CATSPERH: variants seen among roughly 807,000 people sequenced by gnomAD.
CATSPERH encodes cation channel sperm-associated auxiliary subunit eta.
At chr11:65,088,628 ACCCTCCCAC>A in the CATSPERH span, 4 of 1,534,638 alleles carry the variant, frequency 2.6e-6, no homozygotes, top group Non-Finnish European at 3.5e-6. Flanking sequence ...TCCCTCTTGC[ACCCTCCCAC>A]TCCTGCCACT....
chr11:65,088,690 CTG>C, the CATSPERH span: 1 of 1,536,282 alleles, frequency 6.5e-7, no homozygotes, highest in Non-Finnish European at 8.7e-7. Context: ...TACTTGTTTT[CTG>C]TCATCTCAGC....
chr11:65,088,393 T>C, the CATSPERH span: 1 of 1,491,474 alleles, frequency 6.7e-7, no homozygotes, highest in South Asian at 1.2e-5. Context: ...AACAACTTTA[T>C]TAAAACACCC....
chr11:65,088,385 C>A, the CATSPERH span: 2 of 1,453,774 alleles, frequency 1.4e-6, no homozygotes, highest in Non-Finnish European at 1.9e-6. Flanking sequence ...AAATAAACAA[C>A]AACTTTATTA....
the CATSPERH span, chr11:65,088,808 G>A: frequency 8.4e-5 from 129 of 1,534,920 alleles, no homozygotes; most frequent in African/African-American, 9.7e-4. Flanking sequence ...GTTTCCATCA[G>A]CCCCTCGGGT....
chr11:65,088,495 A>G, the CATSPERH span: 1 of 1,536,124 alleles, frequency 6.5e-7, no homozygotes, highest in Non-Finnish European at 8.7e-7. Flanking sequence ...CAGAAACTCC[A>G]AGGACAGGCG....
At chr11:65,089,091 G>A in the CATSPERH span, 1 of 1,368,970 alleles carries the variant, frequency 7.3e-7, no homozygotes, top group African/African-American at 1.4e-5. Flanking sequence ...GCCCTGCCCA[G>A]GAAAAGCAGC....
the CATSPERH span, chr11:65,088,746 G>A: frequency 6.5e-7 from 1 of 1,536,178 alleles, no homozygotes; most frequent in East Asian, 2.4e-5. Context: ...GATCACCTGG[G>A]AGAACTGTAG....
chr11:65,088,662 A>G, the CATSPERH span: 15 of 1,536,342 alleles, frequency 9.8e-6, no homozygotes, highest in Non-Finnish European at 1.1e-5. Context: ...CAGGATGGTC[A>G]GGGCGGAGAA....
the CATSPERH span, chr11:65,088,885 CAT>C: frequency 1.3e-6 from 2 of 1,535,796 alleles, no homozygotes; most frequent in East Asian, 2.4e-5. Flanking sequence ...AGTGAAAGCT[CAT>C]GTGGTCATAG....
At chr11:65,088,637 C>G in the CATSPERH span, 1 of 1,535,772 alleles carries the variant, frequency 6.5e-7, no homozygotes, top group South Asian at 1.2e-5. Flanking sequence ...CACCCTCCCA[C>G]TCCTGCCACT....
At chr11:65,089,082 C>A in the CATSPERH span, 2 of 1,440,206 alleles carry the variant, frequency 1.4e-6, no homozygotes, top group Admixed American at 2.0e-5. Flanking sequence ...AGCAAGCAGG[C>A]CCTGCCCAGG....
the CATSPERH span, chr11:65,088,555 A>T: frequency 6.6e-6 from 10 of 1,526,254 alleles, no homozygotes; most frequent in Non-Finnish European, 7.9e-6. Flanking sequence ...AGAGCCCCCC[A>T]TGAGCCCCAG....
At chr11:65,088,508 T>G in the CATSPERH span, 1 of 1,535,980 alleles carries the variant, frequency 6.5e-7, no homozygotes, top group Non-Finnish European at 8.7e-7. Flanking sequence ...GACAGGCGGT[T>G]GAAGAACATG....
the CATSPERH span, chr11:65,088,825 C>T: frequency 3.3e-6 from 5 of 1,535,352 alleles, no homozygotes; most frequent in South Asian, 5.9e-5. Context: ...GGGTCTCCCA[C>T]AGCCAGCCCT....
chr11:65,088,885 C>T, the CATSPERH span: 1 of 1,535,796 alleles, frequency 6.5e-7, no homozygotes, highest in Non-Finnish European at 8.7e-7. Flanking sequence ...AGTGAAAGCT[C>T]ATGTGGTCAT....
At chr11:65,088,616 G>A in the CATSPERH span, 19 of 1,531,744 alleles carry the variant, frequency 1.2e-5, no homozygotes, top group East Asian at 7.3e-5. Flanking sequence ...AAAGCTCCCC[G>A]CTCCCTCTTG....
At chr11:65,088,526 T>C in the CATSPERH span, 36 of 1,535,568 alleles carry the variant, frequency 2.3e-5, no homozygotes, top group Non-Finnish European at 3.0e-5. Context: ...ATGGCTCCGT[T>C]GAGCACTGGG....
At chr11:65,089,051 C>G in the CATSPERH span, 1 of 1,532,228 alleles carries the variant, frequency 6.5e-7, no homozygotes, top group South Asian at 1.2e-5. Flanking sequence ...AGTGTAGATG[C>G]AAGTCAGACT....
chr11:65,088,760 C>T, the CATSPERH span: 2 of 1,535,934 alleles, frequency 1.3e-6, no homozygotes, highest in African/African-American at 1.4e-5. Context: ...ACTGTAGGCC[C>T]ATCCAGTGGG....
Sources: gnomAD v4.1 joint callset for allele counts on GRCh38, gnomAD v4.1.1 for gene constraint, MANE v1.5 for transcripts, NCBI Gene and HGNC (gene_info 2026-07-23, HGNC 2026-07-21) for gene names.